Variants in ARHGEF3 observed in about 807,000 individuals in gnomAD.
ARHGEF3 encodes the protein Rho guanine nucleotide exchange factor 3, also known as 59.8 kDA protein.
A neutral mutation model predicts 63.2 loss-of-function variants in ARHGEF3; 28 were observed. The ratio of observed to expected loss-of-function variants is 0.44; its 90% CI spans 0.33 to 0.61. The LOEUF (loss-of-function observed/expected upper bound fraction) is 0.61. Among genes scored for constraint, ARHGEF3 ranks in the 20% least tolerant of loss-of-function variants. The pLI, the probability that ARHGEF3 is intolerant of heterozygous loss-of-function variation, is 0.03. For missense variants in ARHGEF3, 533 were observed against 659.3 expected, an observed-to-expected ratio of 0.81 and a Z score of 2.10; for synonymous variants, 266 against 254.2, an observed-to-expected ratio of 1.05 and a Z score of -0.44.
chr3:56,856,815 C>A (rs1211380377), intron 4 of ARHGEF3, among the ~76,000 whole-genome samples: 1 of 150,042 alleles, frequency 6.7e-6, no homozygotes, highest in African/African-American at 2.5e-5. Flanking sequence ...CCAGAGCTTG[C>A]TTAGAGGCTT....
intron 1 of ARHGEF3, among the ~76,000 whole-genome samples, chr3:56,779,776 G>A (rs1291771942): frequency 2.0e-5 from 3 of 152,198 alleles, no homozygotes; most frequent in Non-Finnish European, 4.4e-5. Flanking sequence ...TTGAGAATGA[G>A]CCATATTTTT....
At chr3:56,916,686 C>A (rs2041999512) in intron 3 of ARHGEF3, among the ~76,000 whole-genome samples, 1 of 152,206 alleles carries the variant, frequency 6.6e-6, no homozygotes, top group Non-Finnish European at 1.5e-5. Context: ...GTGAAGCATC[C>A]CATCGGCTGC....
intron 3 of ARHGEF3, among the ~76,000 whole-genome samples, chr3:56,894,245 G>A (rs1171373932): frequency 1.3e-5 from 2 of 152,204 alleles, no homozygotes; most frequent in African/African-American, 4.8e-5. Flanking sequence ...CCGCTCAACT[G>A]TGTTCTTTCT....
intron 1 of ARHGEF3, chr3:56,775,642 C>G: frequency 1.0e-6 from 1 of 985,766 alleles, no homozygotes; most frequent in South Asian, 4.7e-5. Flanking sequence ...AGGGAAAGAT[C>G]TGACAGCTCT....
intron 1 of ARHGEF3, among the ~76,000 whole-genome samples, chr3:57,069,307 C>T (rs1259403479): frequency 6.6e-6 from 1 of 151,702 alleles, no homozygotes; most frequent in Admixed American, 6.6e-5. Flanking sequence ...AAACACAGTC[C>T]AAATTCATGC....
intron 4 of ARHGEF3, among the ~76,000 whole-genome samples, chr3:56,819,781 A>T (rs1578596927): frequency 1.3e-5 from 2 of 151,670 alleles, no homozygotes; most frequent in East Asian, 3.9e-4. Flanking sequence ...TTAGCCTCCC[A>T]GAGTGCTGGG....
At chr3:56,940,594 T>C (rs1365808004) in intron 3 of ARHGEF3, 2 of 152,118 alleles carry the variant, frequency 1.3e-5, no homozygotes, top group Non-Finnish European at 2.9e-5. Flanking sequence ...TCAGGATCTA[T>C]ACAGCCTGGC....
intron 4 of ARHGEF3, among the ~76,000 whole-genome samples, chr3:56,826,556 A>G (rs562005670): frequency 1.3e-5 from 2 of 152,346 alleles, no homozygotes; most frequent in East Asian, 1.9e-4. Context: ...TTTCATAACG[A>G]TATCAAAGAG....
intron 3 of ARHGEF3, among the ~76,000 whole-genome samples, chr3:56,895,775 C>A (rs1243971104): frequency 2.0e-5 from 3 of 152,208 alleles, no homozygotes; most frequent in East Asian, 3.9e-4. Flanking sequence ...TCAGGTCCAT[C>A]GTTCTGAGGG....
intron 2 of ARHGEF3, among the ~76,000 whole-genome samples, chr3:56,979,132 C>T (rs1277035088): frequency 2.0e-5 from 3 of 152,204 alleles, no homozygotes; most frequent in African/African-American, 7.2e-5. Flanking sequence ...CCAGCCTGGG[C>T]AACACAGTGA....
intron 1 of ARHGEF3, among the ~76,000 whole-genome samples, chr3:56,797,469 A>G (rs2037432154): frequency 6.6e-6 from 1 of 152,170 alleles, no homozygotes; most frequent in Non-Finnish European, 1.5e-5. Flanking sequence ...CTGAGGTCAT[A>G]TGATTCCTGG....
chr3:56,949,306 A>C (rs1699681780), intron 3 of ARHGEF3, among the ~76,000 whole-genome samples: 2 of 151,942 alleles, frequency 1.3e-5, no homozygotes, highest in Non-Finnish European at 2.9e-5. Context: ...AAGGAAATAA[A>C]GGCTATTCAA....
At chr3:57,054,621 AG>A (rs1264363699) in intron 1 of ARHGEF3, among the ~76,000 whole-genome samples, 3 of 150,218 alleles carry the variant, frequency 2.0e-5, no homozygotes, top group African/African-American at 7.3e-5. Context: ...CCTGGGTGAC[AG>A]AGTGAGACCC....
intron 1 of ARHGEF3, chr3:57,079,130 C>G: frequency 5.5e-6 from 2 of 365,994 alleles, no homozygotes; most frequent in Non-Finnish European, 9.8e-6. Flanking sequence ...GACGGTCTCA[C>G]TCCGGGAGAC....
At chr3:56,734,511 T>C (rs370161027) in intron 8 of ARHGEF3, among the ~76,000 whole-genome samples, 82 of 152,308 alleles carry the variant, frequency 5.4e-4, no homozygotes, top group African/African-American at 1.6e-3. Flanking sequence ...ATGAGATCAA[T>C]AGAAGCCTAT....
At chr3:56,782,465 C>G (rs2036605572) in intron 1 of ARHGEF3, among the ~76,000 whole-genome samples, 1 of 151,928 alleles carries the variant, frequency 6.6e-6, no homozygotes, top group Non-Finnish European at 1.5e-5. Context: ...CTATCTTTGT[C>G]TTGGCTAATC....
intron 2 of ARHGEF3, among the ~76,000 whole-genome samples, chr3:56,999,930 A>T (rs1041767010): frequency 6.6e-6 from 1 of 152,196 alleles, no homozygotes; most frequent in African/African-American, 2.4e-5. Flanking sequence ...TGCTTAAACC[A>T]TAGGAAACAA....
At chr3:57,064,578 G>C (rs1389608324) in intron 1 of ARHGEF3, among the ~76,000 whole-genome samples, 1 of 152,152 alleles carries the variant, frequency 6.6e-6, no homozygotes, top group African/African-American at 2.4e-5. Context: ...TCGGTGCTGG[G>C]ATTACAGGCA....
At chr3:56,740,686 C>T (rs1157201806) in intron 7 of ARHGEF3, among the ~76,000 whole-genome samples, 2 of 152,154 alleles carry the variant, frequency 1.3e-5, no homozygotes, top group Admixed American at 6.6e-5. Context: ...TATCCTTTTA[C>T]CTTTCCATAT....
Sources: allele counts gnomAD v4.1 joint callset (sites outside exome capture counted in the v4.1 genomes callset), GRCh38; gene constraint gnomAD v4.1.1; transcripts MANE v1.5; gene names NCBI Gene and HGNC (gene_info 2026-07-23, HGNC 2026-07-21).